SPDYE18: variants seen among roughly 807,000 people sequenced by gnomAD.
The protein encoded by SPDYE18 is speedy protein E18.
Under a neutral mutation model 44.9 loss-of-function variants are expected in SPDYE18, and 6 were observed. The ratio of observed to expected loss-of-function variants is 0.13; its 90% CI spans 0.07 to 0.26. SPDYE18 has a LOEUF of 0.26. SPDYE18 is among the 10% of genes least tolerant of loss of function. The pLI is 1.00. For synonymous variants in SPDYE18, 35 were observed against 177.1 expected, an observed-to-expected ratio of 0.20 and a Z score of 6.37; for missense variants, 121 against 463.2, an observed-to-expected ratio of 0.26 and a Z score of 6.78.
At chr7:77,052,478 A>G (rs1457353085) in intron 8 of SPDYE18, among the ~76,000 whole-genome samples, 58 of 152,184 alleles carry the variant, frequency 3.8e-4, no homozygotes, top group African/African-American at 1.3e-3. Context: ...TCTGTCGCCC[A>G]GACTGGAGTG....
intron 8 of SPDYE18, among the ~76,000 whole-genome samples, 142 bp downstream of exon 8, chr7:77,052,591 C>T (rs1360061290): frequency 1.4e-4 from 22 of 152,364 alleles, no homozygotes; most frequent in African/African-American, 2.9e-4. Context: ...CGTCCCACAT[C>T]GCCTGGCTAA....
chr7:77,058,422 C>T (rs1450038626), intron 3 of SPDYE18, among the ~76,000 whole-genome samples: 8,065 of 80,162 alleles, frequency 0.1, no homozygotes, highest in African/African-American at 0.19. Flanking sequence ...TGAGCCACTG[C>T]ACCCTGCCTC....
At chr7:77,058,491 T>G (rs1162381372) in intron 3 of SPDYE18, among the ~76,000 whole-genome samples, 96 of 112,982 alleles carry the variant, frequency 8.5e-4, no homozygotes, top group African/African-American at 2.4e-3. Flanking sequence ...TTCTGGGCCC[T>G]TCCTTCCTTC....
At chr7:77,062,457 C>G (rs1429257400) in intron 1 of SPDYE18, among the ~76,000 whole-genome samples, 39 bp downstream of exon 1, 2 of 152,096 alleles carry the variant, frequency 1.3e-5, no homozygotes, top group South Asian at 2.1e-4. Context: ...TTTAACCCAT[C>G]TTCAAGCCTG....
intron 6 of SPDYE18, among the ~76,000 whole-genome samples, chr7:77,054,799 A>T (rs1583975561): frequency 6.8e-6 from 1 of 147,514 alleles, no homozygotes; most frequent in African/African-American, 2.5e-5. Flanking sequence ...AAAAAGTCTC[A>T]CTCTGTCACC....
intron 1 of SPDYE18, among the ~76,000 whole-genome samples, chr7:77,061,775 A>AT (rs1562795332): frequency 2.1e-5 from 3 of 140,138 alleles, no homozygotes; most frequent in South Asian, 2.3e-4. Flanking sequence ...TGTGTCAAAA[A>AT]ATTTTTTTTT....
chr7:77,053,274 A>G, intron 6 of SPDYE18, 71 bp from the exon 7 acceptor site: 3 of 1,595,868 alleles, frequency 1.9e-6, no homozygotes, highest in South Asian at 1.1e-5. Context: ...TCAGCTTCCC[A>G]GAGAGGAAGG....
Position 77,060,205 on chromosome 7 carries a change from C to T in SPDYE18, c.160+148G>A. Reference sequence around the variant, plus strand: ...AGAGATGGGGTTTCACCATATTGGCCAGGCTGGCCTTGAACTCCTGACCTC... The same window carrying T: ...AGAGATGGGGTTTCACCATATTGGCTAGGCTGGCCTTGAACTCCTGACCTC... On this transcript the variant is annotated intron_variant, in intron 2 of 8. Coordinates refer to ENST00000510091, the MANE Select transcript of SPDYE18 (RefSeq NM_001394953.1). 5 of 1,405,750 alleles carry T rather than the reference C, an allele frequency of 3.6e-6. No homozygotes were observed. The South Asian group carries it at 4.4e-5, about 12-fold the overall frequency. The allele number at this position is 1,405,750 out of a possible 1,614,324, so 87.1% of individuals were successfully genotyped here.
rs1409829095 is a variant in SPDYE18, at chr7:77,051,321, C to A, written c.*604G>T. 2.0e-5 allele frequency among the ~76,000 whole-genome samples: 3 copies of A among 152,218 alleles called. No homozygotes were observed. The East Asian group carries it at 5.8e-4, about 29-fold the overall frequency. On this transcript the variant is annotated 3_prime_UTR_variant, in exon 9 of 9. Coordinates refer to ENST00000510091, the MANE Select transcript of SPDYE18 (RefSeq NM_001394953.1). ...TATATATAACAACTATAACTCTCAT[C>A]AAAAAACTACAGGAACAGCATGTTT...
rs1258302889 is a variant in SPDYE18 at position 77,060,481 on chromosome 7, C to T, written c.32G>A (p.Arg11Lys). Reference sequence around the variant, plus strand: ...CGTGATCTTTCCCGTAATCTGTCCCCTCTTACGGAACCTAGTCTTCGTTCT... The same window carrying T: ...CGTGATCTTTCCCGTAATCTGTCCCTTCTTACGGAACCTAGTCTTCGTTCT... MDRTKTRFRK[R>K]GQITGKITTS... Residue 11 changes from arginine (R) to lysine (K), a missense_variant, in exon 2 of 9, where the codon AGG (arginine) becomes AAG (lysine). Arg to Lys is a conservative substitution (Grantham distance 26, BLOSUM62 2). Coordinates refer to ENST00000510091, the MANE Select transcript of SPDYE18 (RefSeq NM_001394953.1). 3.3e-6 allele frequency: 5 copies of T among 1,535,184 alleles called. No homozygotes were observed. Among genetic ancestry groups the T allele is most frequent in the Non-Finnish European group, 4.4e-6 (5 of 1,146,806 alleles).
At chr7:77,059,022 TC>T (rs1789977875) in intron 3 of SPDYE18, among the ~76,000 whole-genome samples, 157 bp downstream of exon 3, 1 of 151,908 alleles carries the variant, frequency 6.6e-6, no homozygotes, top group Non-Finnish European at 1.5e-5. Context: ...CTCTATCATC[TC>T]CTAAGTGTCC....
At chr7:77,059,106 A>G in intron 3 of SPDYE18, 74 bp downstream of exon 3, 1 of 1,583,822 alleles carries the variant, frequency 6.3e-7, no homozygotes, top group African/African-American at 1.3e-5. Context: ...TCCCATTGTA[A>G]AAGTGTGGTT....
In SPDYE18 at chr7:77,051,708, C is replaced by A. The variant is rs573545020; in HGVS notation, c.*217G>T. 7.4e-5 allele frequency among the ~76,000 whole-genome samples: 10 copies of A among 135,188 alleles called. No individual in the cohort carries two copies. The East Asian group carries it at 7.5e-4, about 10-fold the overall frequency. The allele number at this position is 135,188 out of a possible 152,430, so 88.7% of individuals were successfully genotyped here. ...TAGAAGGACCCCACCCCCCTCCCCC[C>A]ACCCCTGCTCCCAGGAGGACAACGT... On this transcript the variant is annotated 3_prime_UTR_variant, in exon 9 of 9. Transcript: ENST00000510091.
chr7:77,053,444 T>C (rs1217666191), intron 6 of SPDYE18, among the ~76,000 whole-genome samples: 3 of 152,280 alleles, frequency 2.0e-5, no homozygotes, highest in Admixed American at 2.0e-4. Flanking sequence ...GGCTTATGCC[T>C]GGAATCCCAG....
chr7:77,050,442 G>T lies in SPDYE18; in HGVS notation c.*1483C>A, dbSNP rs1164783878. On this transcript the variant is annotated 3_prime_UTR_variant, in exon 9 of 9. Transcript: ENST00000510091. Reference sequence around the variant, plus strand: ...GTTCATTTTTATTATGTTTCCACAAGAGACGCACTCTATTGTTCTCTTGAA... The same window carrying T: ...GTTCATTTTTATTATGTTTCCACAATAGACGCACTCTATTGTTCTCTTGAA... Among the ~76,000 whole-genome samples the T allele has an allele frequency of 6.6e-6, 1 of 152,190 alleles. No individual in the cohort carries two copies. Among genetic ancestry groups the T allele is most frequent in the African/African-American group, 2.4e-5 (1 of 41,448 alleles).
At chr7:77,060,050 C>T (rs1789996662) in intron 2 of SPDYE18, among the ~76,000 whole-genome samples, 1 of 132,312 alleles carries the variant, frequency 7.6e-6, no homozygotes, top group African/African-American at 3.0e-5. Context: ...TTTTGGAGTG[C>T]AGTAGCGTGA....
chr7:77,062,160 C>T (rs1240917534), intron 1 of SPDYE18, among the ~76,000 whole-genome samples: 3 of 143,442 alleles, frequency 2.1e-5, no homozygotes, highest in South Asian at 2.5e-4. Flanking sequence ...AGTTCCCACA[C>T]GTTTTCCTAA....
In SPDYE18 at chr7:77,050,758, T is replaced by C. The variant is rs1198092709; in HGVS notation, c.*1167A>G. ...GATTTAGGATGAAAAGAATCCTCTCTTAAAAAGGAAAACAAAATTATATGT... is the reference window on the plus strand; with the variant it reads ...GATTTAGGATGAAAAGAATCCTCTCCTAAAAAGGAAAACAAAATTATATGT... On this transcript the variant is annotated 3_prime_UTR_variant, in exon 9 of 9. Coordinates refer to ENST00000510091, the MANE Select transcript of SPDYE18 (RefSeq NM_001394953.1). Among the ~76,000 whole-genome samples, 2 of 152,014 alleles carry C rather than the reference T, an allele frequency of 1.3e-5. No individual in the cohort carries two copies.
At chr7:77,059,482 A>G in intron 2 of SPDYE18, 84 bp from the exon 3 acceptor site, 7 of 1,470,820 alleles carry the variant, frequency 4.8e-6, no homozygotes, top group Admixed American at 5.5e-5. Flanking sequence ...ACCACTCTCC[A>G]TCCTCCCCAG....
Sources: gnomAD v4.1 joint callset for allele counts (sites outside exome capture counted in the v4.1 genomes callset) on GRCh38, gnomAD v4.1.1 for gene constraint, MANE v1.5 for transcripts, NCBI Gene and HGNC (gene_info 2026-07-23, HGNC 2026-07-21) for gene names.